ADGRL3: variants seen among roughly 807,000 people sequenced by gnomAD.
ADGRL3 encodes the protein adhesion G protein-coupled receptor L3.
A neutral mutation model predicts 153.5 loss-of-function variants in ADGRL3; 62 were observed. The ratio of observed to expected loss-of-function variants is 0.40; its 90% CI spans 0.33 to 0.50. The LOEUF (loss-of-function observed/expected upper bound fraction) is 0.50. Among genes scored for constraint, ADGRL3 ranks in the 20% least tolerant of loss-of-function variants. ADGRL3 has a pLI of 0.47. For missense variants in ADGRL3, 1,641 were observed against 1,859.4 expected (o/e 0.88, Z 2.16); for synonymous variants, 710 against 672.5 (o/e 1.06, Z -0.86).
At chr4:61,403,877 C>T (rs1273899205) in intron 2 of ADGRL3, among the ~76,000 whole-genome samples, 1 of 152,002 alleles carries the variant, frequency 6.6e-6, no homozygotes, top group Non-Finnish European at 1.5e-5. Flanking sequence ...AAAATCCCCA[C>T]ACATTTGGTG....
chr4:61,353,978 C>T lies in ADGRL3; in HGVS notation c.-239-29146C>T, dbSNP rs1011182817. ...TCATTTTCATTTTTCTATGTGTACC[C>T]TATAGCCAGCAGTGCTTTGTATTTA... is the stretch of plus-strand genomic sequence containing the variant. On this transcript the variant is annotated intron_variant, in intron 1 of 26. Coordinates refer to ENST00000683033, the MANE Select transcript of ADGRL3 (RefSeq NM_001387552.1). Among the ~76,000 whole-genome samples the T allele has an allele frequency of 7.4e-4, 113 of 152,122 alleles. 1 individual carries two copies. Among genetic ancestry groups the T allele is most frequent in the African/African-American group, 2.7e-3 (112 of 41,502 alleles).
chr4:61,517,229 G>A, intron 3 of ADGRL3, 86 bp from the exon 4 acceptor site: 1 of 666,774 alleles, frequency 1.5e-6, no homozygotes, highest in Non-Finnish European at 2.7e-6. Context: ...GCAGAGAGCA[G>A]CCTTGGGAAT....
At chr4:61,416,127 C>T (rs182003591) in intron 2 of ADGRL3, among the ~76,000 whole-genome samples, 23 of 151,938 alleles carry the variant, frequency 1.5e-4, no homozygotes, top group Admixed American at 1.2e-3. Flanking sequence ...TAACCATGTG[C>T]TGATATCTAG....
intron 1 of ADGRL3, among the ~76,000 whole-genome samples, chr4:61,376,615 C>T (rs2096605940): frequency 6.6e-6 from 1 of 152,134 alleles, no homozygotes; most frequent in Non-Finnish European, 1.5e-5. Context: ...CCATTTTGTA[C>T]TGAATCGTTT....
At chr4:61,920,480 G>A (rs1403248958) in intron 13 of ADGRL3, among the ~76,000 whole-genome samples, 1 of 152,138 alleles carries the variant, frequency 6.6e-6, no homozygotes, top group Non-Finnish European at 1.5e-5. Context: ...CAATTTTTAT[G>A]TTTTCCTTTA....
At chr4:61,418,222 T>G (rs989609995) in intron 2 of ADGRL3, among the ~76,000 whole-genome samples, 1 of 152,230 alleles carries the variant, frequency 6.6e-6, no homozygotes, top group African/African-American at 2.4e-5. Context: ...GGACAAAATA[T>G]CATGTGTTCT....
chr4:61,231,949 A>G (rs1420613552), intron 1 of ADGRL3, among the ~76,000 whole-genome samples: 5 of 151,896 alleles, frequency 3.3e-5, no homozygotes, highest in Non-Finnish European at 7.4e-5. Context: ...CTTAGCATAA[A>G]GAAACAAAGG....
intron 1 of ADGRL3, among the ~76,000 whole-genome samples, chr4:61,261,820 C>T (rs1505677): frequency 0.65 from 98,846 of 151,894 alleles, 32,319 homozygotes; most frequent in East Asian, 0.7. Flanking sequence ...CTAAATTGAC[C>T]TCTGAAAAAT....
At chr4:62,004,403 G>A (rs1447469709) in intron 21 of ADGRL3, among the ~76,000 whole-genome samples, 1 of 151,902 alleles carries the variant, frequency 6.6e-6, no homozygotes, top group Admixed American at 6.6e-5. Context: ...CAATTGCAGA[G>A]TTGTCTGGAT....
intron 5 of ADGRL3, among the ~76,000 whole-genome samples, chr4:61,631,665 T>G (rs2093172299): frequency 6.6e-6 from 1 of 152,232 alleles, no homozygotes; most frequent in African/African-American, 2.4e-5. Context: ...TTACCAAACT[T>G]TTGTTGGCTA....
At chr4:61,260,246 A>G (rs1452754539) in intron 1 of ADGRL3, among the ~76,000 whole-genome samples, 1 of 152,208 alleles carries the variant, frequency 6.6e-6, no homozygotes, top group Admixed American at 6.5e-5. Context: ...GAACAGATAA[A>G]GGCAAAAATG....
intron 9 of ADGRL3, among the ~76,000 whole-genome samples, chr4:61,868,255 GA>G (rs2098415327): frequency 1.3e-5 from 2 of 152,058 alleles, no homozygotes; most frequent in African/African-American, 4.8e-5. Context: ...AGTTTCTGTA[GA>G]TTTTTTTTTC....
Position 61,648,502 on chromosome 4 carries a change from A to T in ADGRL3, c.474-28324A>T, listed in dbSNP as rs550935109. Among the ~76,000 whole-genome samples the T allele has an allele frequency of 3.3e-5, 5 of 150,386 alleles. No individual in the cohort carries two copies. The East Asian group carries it at 9.7e-4, about 29-fold the overall frequency. ...TTGTCATTCATATCAGTCACAGATT[A>T]ATTTGCATTAGGAATTTTTTTGTTT... On this transcript the variant is annotated intron_variant, in intron 5 of 26. Coordinates refer to ENST00000683033, the MANE Select transcript of ADGRL3 (RefSeq NM_001387552.1).
chr4:61,707,682 G>A lies in ADGRL3; in HGVS notation c.584-22940G>A, dbSNP rs544800152. Among the ~76,000 whole-genome samples the A allele has an allele frequency of 3.3e-5, 5 of 152,204 alleles. No homozygotes were observed. In the South Asian group the frequency reaches 1.0e-3, roughly 32 times the overall value. On this transcript the variant is annotated intron_variant, in intron 6 of 26. Coordinates refer to ENST00000683033, the MANE Select transcript of ADGRL3 (RefSeq NM_001387552.1). ...TTCTAATCAGACCTTAGAAATATTT[G>A]TAAGTGTATAGAGATTAAGCAAATG...
At position 61,857,976 on chromosome 4, in the gene ADGRL3, A is replaced by G. The variant is rs148534223; in HGVS notation, c.1481-34680A>G. Reference sequence around the variant, plus strand: ...CAGATGTGAGAAACTTTAATGAGGCAGAATCATTGGGAACTTGATCATTGG... The same window carrying G: ...CAGATGTGAGAAACTTTAATGAGGCGGAATCATTGGGAACTTGATCATTGG... On this transcript the variant is annotated intron_variant, in intron 9 of 26. Transcript: ENST00000683033. 3.0e-3 allele frequency among the ~76,000 whole-genome samples: 455 copies of G among 152,336 alleles called. 3 individuals are homozygous for G. The highest frequency in any genetic ancestry group is 9.5e-3 in the African/African-American group (395 of 41,578).
intron 8 of ADGRL3, among the ~76,000 whole-genome samples, chr4:61,742,889 C>G (rs1268533799): frequency 6.6e-6 from 1 of 152,044 alleles, no homozygotes; most frequent in Non-Finnish European, 1.5e-5. Context: ...TTCAGTAGTA[C>G]AAATCAATGG....
chr4:62,044,837 G>A (rs1430860323), intron 25 of ADGRL3, among the ~76,000 whole-genome samples: 7 of 152,044 alleles, frequency 4.6e-5, no homozygotes, highest in African/African-American at 1.2e-4. Context: ...CTCATTGGAA[G>A]CAGTGAAAAT....
chr4:61,609,572 A>G (rs72638519), intron 5 of ADGRL3, among the ~76,000 whole-genome samples: 205 of 152,156 alleles, frequency 1.3e-3, no homozygotes, highest in Non-Finnish European at 2.4e-3. Context: ...CTTAAATCAC[A>G]TTATTAATAT....
chr4:61,698,787 G>A (rs1481324842), intron 6 of ADGRL3, among the ~76,000 whole-genome samples: 1 of 152,114 alleles, frequency 6.6e-6, no homozygotes, highest in Non-Finnish European at 1.5e-5. Context: ...TGAGATAATT[G>A]CATATTACAT....
Sources: gnomAD v4.1 joint callset for allele counts (sites outside exome capture counted in the v4.1 genomes callset) on GRCh38, gnomAD v4.1.1 for gene constraint, MANE v1.5 for transcripts, NCBI Gene and HGNC (gene_info 2026-07-23, HGNC 2026-07-21) for gene names.